Variants in DENND5A observed in about 807,000 individuals in gnomAD.
DENND5A encodes DENN domain-containing protein 5A.
In DENND5A, 64 loss-of-function variants were observed where a neutral mutation model predicts 140.3. The observed-to-expected ratio is 0.46, with a 90% CI of 0.37 to 0.56. The LOEUF (loss-of-function observed/expected upper bound fraction) is 0.56. Ranked by LOEUF, DENND5A falls within the 20% of genes least tolerant of loss-of-function variation. The pLI is 0.00. For missense variants in DENND5A, 1,292 were observed against 1,593.8 expected (o/e 0.81, Z 3.22); for synonymous variants, 605 against 607.7 (o/e 1.00, Z 0.07).
At chr11:9,145,161 A>G in intron 17 of DENND5A, 48 bp from the exon 18 acceptor site, 1 of 1,377,558 alleles carries the variant, frequency 7.3e-7, no homozygotes, top group Non-Finnish European at 1.0e-6. Context: ...ATCAGAGAAA[A>G]GAACAGTAGT....
rs1849732568 is a variant in DENND5A at position 9,207,543 on chromosome 11, ATTTTG to A, written c.181+13_181+17del. On this transcript the variant is annotated intron_variant, in intron 2 of 22. Transcript: ENST00000328194. ...CATTAGAAAGCTTTGGGTGTTCTCA[ATTTTG>A]TTTTGTTTTTACCTTCAGTCGTACT... 13 of 1,600,576 alleles carry A rather than the reference ATTTTG, an allele frequency of 8.1e-6. No homozygotes were observed. The highest frequency in any genetic ancestry group is 1.3e-5 in the African/African-American group (1 of 74,746).
chr11:9,235,593 G>C (rs1377945646), intron 1 of DENND5A, among the ~76,000 whole-genome samples: 1 of 151,900 alleles, frequency 6.6e-6, no homozygotes, highest in African/African-American at 2.4e-5. Context: ...AGGAGATGGA[G>C]GTTGCAGTGA....
intron 4 of DENND5A, among the ~76,000 whole-genome samples, chr11:9,200,241 G>T (rs560902995): frequency 6.6e-6 from 1 of 152,224 alleles, no homozygotes; most frequent in Non-Finnish European, 1.5e-5. Flanking sequence ...TATATAGTTT[G>T]GTTTCCTCCT....
rs750256441 is a variant in DENND5A at position 9,180,958 on chromosome 11, G to C, written c.1264C>G (p.Pro422Ala). The C allele has an allele frequency of 6.2e-7, 1 of 1,614,176 alleles. No individual in the cohort carries two copies. The change falls in exon 6 of 23, where the codon CCT becomes GCT. Residue 422 changes from proline to alanine, a missense_variant. Transcript: ENST00000328194. Reference protein sequence around the residue: ...SEILMAFGIPPEGNLHCSESA... With the variant: ...SEILMAFGIPAEGNLHCSESA... Reference sequence around the variant, plus strand: ...TCACTGCAATGAAGATTCCCTTCAGGGGGAATTCCAAATGCCATGAGAATC... The same window carrying C: ...TCACTGCAATGAAGATTCCCTTCAGCGGGAATTCCAAATGCCATGAGAATC...
At chr11:9,157,741 C>T (rs1373097343) in intron 12 of DENND5A, among the ~76,000 whole-genome samples, 1 of 152,118 alleles carries the variant, frequency 6.6e-6, no homozygotes, top group Non-Finnish European at 1.5e-5. Context: ...CGTTGATGGC[C>T]ATTTAGGTTG....
intron 1 of DENND5A, among the ~76,000 whole-genome samples, chr11:9,247,713 C>G (rs970643498): frequency 7.9e-5 from 12 of 152,072 alleles, no homozygotes; most frequent in Non-Finnish European, 1.6e-4. Flanking sequence ...GATGAAGCCT[C>G]CAGGTAACCA....
intron 8 of DENND5A, among the ~76,000 whole-genome samples, chr11:9,173,956 T>C (rs1848458590): frequency 6.6e-6 from 1 of 151,512 alleles, no homozygotes; most frequent in African/African-American, 2.4e-5. Context: ...AAAAATTAGC[T>C]GGGCTGCGCA....
intron 1 of DENND5A, among the ~76,000 whole-genome samples, chr11:9,258,814 T>C (rs908689106): frequency 2.0e-5 from 3 of 152,184 alleles, no homozygotes; most frequent in African/African-American, 7.2e-5. Context: ...GGTTATATAA[T>C]TGCAAAGGGT....
chr11:9,215,579 G>C (rs1470048340), intron 1 of DENND5A, among the ~76,000 whole-genome samples: 3 of 138,364 alleles, frequency 2.2e-5, no homozygotes, highest in Admixed American at 7.8e-5. Context: ...ATGGAGTCTC[G>C]CTCTGTCGCC....
intron 6 of DENND5A, among the ~76,000 whole-genome samples, chr11:9,179,500 C>CTTT (rs55812362): frequency 8.7e-4 from 120 of 138,496 alleles, no homozygotes; most frequent in South Asian, 4.2e-3. Context: ...GCAAAAAAAC[C>CTTT]TTTTTTTTTT....
intron 11 of DENND5A, among the ~76,000 whole-genome samples, chr11:9,162,652 G>A (rs1399152330): frequency 6.6e-6 from 1 of 152,018 alleles, no homozygotes; most frequent in East Asian, 1.9e-4. Context: ...CTACAGAAAA[G>A]CAAGAAAATT....
chr11:9,153,979 T>C (rs1169962320), intron 12 of DENND5A, among the ~76,000 whole-genome samples: 1 of 152,244 alleles, frequency 6.6e-6, no homozygotes, highest in Non-Finnish European at 1.5e-5. Flanking sequence ...ATCATAACCC[T>C]TGTTAAGTGA....
intron 1 of DENND5A, among the ~76,000 whole-genome samples, chr11:9,215,892 A>G (rs912828261): frequency 7.2e-5 from 11 of 151,972 alleles, no homozygotes; most frequent in African/African-American, 2.7e-4. Context: ...GTATACGCAC[A>G]CTCTTCCAAA....
chr11:9,221,122 C>T (rs939593692), intron 1 of DENND5A, among the ~76,000 whole-genome samples: 2 of 151,648 alleles, frequency 1.3e-5, no homozygotes, highest in South Asian at 2.1e-4. Flanking sequence ...ACTTTGGTAT[C>T]AGAATCAGAG....
At chr11:9,258,435 G>C (rs1435970909) in intron 1 of DENND5A, among the ~76,000 whole-genome samples, 1 of 152,114 alleles carries the variant, frequency 6.6e-6, no homozygotes, top group African/African-American at 2.4e-5. Context: ...CTTCATCCAT[G>C]TCCCTGCAAA....
chr11:9,189,631 G>T (rs113296797), intron 5 of DENND5A, among the ~76,000 whole-genome samples: 27 of 139,300 alleles, frequency 1.9e-4, no homozygotes, highest in South Asian at 6.8e-4. Context: ...TTTTTTTTTT[G>T]GTTTTTTTGT....
chr11:9,231,178 C>T (rs181261264), intron 1 of DENND5A, among the ~76,000 whole-genome samples: 22 of 152,268 alleles, frequency 1.4e-4, no homozygotes, highest in Admixed American at 1.2e-3. Context: ...AATCTTTAGC[C>T]ATGAAAACAG....
chr11:9,263,123 C>T (rs935074880), intron 1 of DENND5A, among the ~76,000 whole-genome samples: 2 of 152,140 alleles, frequency 1.3e-5, no homozygotes, highest in African/African-American at 4.8e-5. Flanking sequence ...ATTACTGCTT[C>T]ATATTTTCTC....
chr11:9,192,433 C>T (rs371334490), intron 5 of DENND5A, among the ~76,000 whole-genome samples: 12 of 152,218 alleles, frequency 7.9e-5, no homozygotes, highest in African/African-American at 2.4e-4. Flanking sequence ...TCGAGACCAG[C>T]CTGGCCAACA....
Sources: allele counts gnomAD v4.1 joint callset (sites outside exome capture counted in the v4.1 genomes callset), GRCh38; gene constraint gnomAD v4.1.1; transcripts MANE v1.5; gene names NCBI Gene and HGNC (gene_info 2026-07-23, HGNC 2026-07-21).